Variants in CENPT observed in about 807,000 individuals in gnomAD.
CENPT encodes centromere protein T, also known as interphase centromere complex protein 22.
A neutral mutation model predicts 59.7 loss-of-function variants in CENPT; 42 were observed. That is an observed-to-expected ratio of 0.70 (90% CI 0.55 to 0.91). The LOEUF is 0.91. Ranked by LOEUF, CENPT falls within the 40% of genes least tolerant of loss-of-function variation. CENPT has a pLI of 0.00. For synonymous variants in CENPT, 295 were observed against 289.6 expected (o/e 1.02, Z -0.19); for missense variants, 716 against 713.4 (o/e 1.00, Z -0.04).
intron 4 of CENPT, among the ~76,000 whole-genome samples, chr16:67,833,544 G>A (rs1435584878): frequency 6.6e-6 from 1 of 152,204 alleles, no homozygotes; most frequent in Non-Finnish European, 1.5e-5. Flanking sequence ...TAGAGCAATG[G>A]AACCAGTTCT....
chr16:67,828,826 G>A lies in CENPT; in HGVS notation c.1298C>T (p.Ala433Val), dbSNP rs757492265. The change falls in exon 14 of 16, where the codon GCA becomes GTA. Residue 433 changes from alanine (A) to valine (V), a missense_variant. By Grantham distance (64) the Ala-to-Val change is moderately conservative. Transcript: ENST00000562787. ...GGGATGCCTGACCAACAGAGGCTCT[G>A]CAGGCTCTGAAGATAAGCTGAGGGC... ...PGAAVLSSEP[A>V]EPLLVRHPPR... The A allele has an allele frequency of 1.3e-6, 2 of 1,584,488 alleles. No homozygotes were observed. The highest frequency in any genetic ancestry group is 2.2e-5 in the East Asian group (1 of 44,790).
chr16:67,833,989 G>A lies in CENPT; in HGVS notation c.-130C>T. 1 of 599,960 alleles carries A rather than the reference G, an allele frequency of 1.7e-6. No individual in the cohort carries two copies. Among genetic ancestry groups the A allele is most frequent in the Non-Finnish European group, 2.7e-6 (1 of 374,444 alleles). 37.2% of individuals were successfully genotyped at this position (599,960 alleles called of 1,614,324 possible). The stretch of plus-strand genomic sequence containing the variant: ...GAATTGTAGTTCTCGCACTATCGCA[G>A]CTCGCGGGGTGGACAGTGATGGTTG... On this transcript the variant is annotated 5_prime_UTR_variant, in exon 4 of 16. Transcript: ENST00000562787.
rs773059781 is a variant in CENPT at position 67,828,798 on chromosome 16, A to G, written c.1326T>C (p.Pro442=). 3 of 1,600,310 alleles carry G rather than the reference A, an allele frequency of 1.9e-6. No homozygotes were observed. Among genetic ancestry groups the G allele is most frequent in the Admixed American group, 3.7e-5 (2 of 54,626 alleles). ...GCCTGGGGCCGGTGGTCCGGGGCCTAGGGGGATGCCTGACCAACAGAGGCT... is the reference window on the plus strand; with the variant it reads ...GCCTGGGGCCGGTGGTCCGGGGCCTGGGGGGATGCCTGACCAACAGAGGCT... ...PAEPLLVRHP[P]RPRTTGPRPR... Residue 442 remains proline, a synonymous_variant, in exon 14 of 16, where the codon CCT becomes CCC. Coordinates refer to ENST00000562787, the MANE Select transcript of CENPT (RefSeq NM_025082.4).
In CENPT at chr16:67,832,312, C is replaced by A; in HGVS notation, c.205G>T (p.Val69Phe). ...ARGRSHGARSVGRSAHIQASG... is the reference protein window; with the variant it reads ...ARGRSHGARSFGRSAHIQASG... ...GCCTGAATATGGGCCGATCTGCCAA[C>A]AGACTATCGGCAAAGCACCAAGCAA... Residue 69 changes from valine to phenylalanine, a missense_variant, in exon 6 of 16, where the codon GTT (valine) becomes TTT (phenylalanine). Coordinates refer to ENST00000562787, the MANE Select transcript of CENPT (RefSeq NM_025082.4). 3.1e-6 allele frequency: 5 copies of A among 1,614,176 alleles called. No homozygotes were observed. The highest frequency in any genetic ancestry group is 1.6e-4 in the Middle Eastern group (1 of 6,062).
chr16:67,833,587 C>T (rs1210770490), intron 4 of CENPT, among the ~76,000 whole-genome samples, 163 bp downstream of exon 4: 1 of 152,228 alleles, frequency 6.6e-6, no homozygotes, highest in African/African-American at 2.4e-5. Flanking sequence ...CTCTGAGACT[C>T]AGTTTTCCTC....
intron 1 of CENPT, among the ~76,000 whole-genome samples, chr16:67,845,371 C>T (rs1007041328): frequency 1.2e-4 from 19 of 152,186 alleles, no homozygotes; most frequent in Admixed American, 1.1e-3. Flanking sequence ...AGTCCCTTAG[C>T]ACTGAGTTGG....
intron 13 of CENPT, 70 bp downstream of exon 13, chr16:67,829,353 C>A: frequency 8.0e-7 from 1 of 1,244,810 alleles, no homozygotes; most frequent in Non-Finnish European, 1.1e-6. Flanking sequence ...GGGGGAGGAC[C>A]CTATGTACAC....
chr16:67,834,266 G>C (rs1297377773), intron 3 of CENPT, 166 bp from the exon 4 acceptor site: 1 of 168,258 alleles, frequency 5.9e-6, no homozygotes, highest in African/African-American at 2.4e-5. Flanking sequence ...GATGAGGAGA[G>C]ACACTTGGGC....
In CENPT at chr16:67,834,006, T is replaced by G; in HGVS notation, c.-147A>C. On this transcript the variant is annotated 5_prime_UTR_variant, in exon 4 of 16. Coordinates refer to ENST00000562787, the MANE Select transcript of CENPT (RefSeq NM_025082.4). ...CTATCGCAGCTCGCGGGGTGGACAG[T>G]GATGGTTGCAAACTCCGGATGCTTT... is the stretch of plus-strand genomic sequence containing the variant. 1 of 547,222 alleles carries G rather than the reference T, an allele frequency of 1.8e-6. No individual in the cohort carries two copies. Among genetic ancestry groups the G allele is most frequent in the South Asian group, 2.8e-5 (1 of 35,974 alleles). The allele number at this position is 547,222 out of a possible 1,614,324, so 33.9% of individuals were successfully genotyped here.
intron 3 of CENPT, among the ~76,000 whole-genome samples, chr16:67,834,492 G>C (rs917918544): frequency 6.6e-6 from 1 of 152,106 alleles, no homozygotes; most frequent in South Asian, 2.1e-4. Context: ...GGTGGTGCGC[G>C]CCTGTAGTCC....
At chr16:67,844,559 T>A (rs2057784909) in intron 1 of CENPT, among the ~76,000 whole-genome samples, 1 of 152,248 alleles carries the variant, frequency 6.6e-6, no homozygotes, top group South Asian at 2.1e-4. Context: ...CACCATGACA[T>A]CCCTTAGGCT....
chr16:67,843,067 A>T lies in CENPT; in HGVS notation c.-492+4334T>A. 1 of 1,611,834 alleles carries T rather than the reference A, an allele frequency of 6.2e-7. No individual in the cohort carries two copies. The highest frequency in any genetic ancestry group is 8.5e-7 in the Non-Finnish European group (1 of 1,180,010). ...CTGTAGACAGCAGTCAGGCTCCGGG[A>T]TCCGTACAGCCGGCGCCCATCACTC... is the stretch of plus-strand genomic sequence containing the variant. On this transcript the variant is annotated intron_variant, in intron 1 of 15. Coordinates refer to ENST00000562787, the MANE Select transcript of CENPT (RefSeq NM_025082.4). This position sits in a 1 kb window ranked among gnomAD's most constrained non-coding sequence, Gnocchi z 5.7.
At position 67,843,146 on chromosome 16, in the gene CENPT, G is replaced by T. The variant is rs2057776913; in HGVS notation, c.-492+4255C>A. 1 of 1,609,476 alleles carries T rather than the reference G, an allele frequency of 6.2e-7. No individual in the cohort carries two copies. On this transcript the variant is annotated intron_variant, in intron 1 of 15. Transcript: ENST00000562787. The surrounding 1 kb of genome is among the most constrained non-coding windows in gnomAD (Gnocchi z 5.7). ...TCTCACAGTGCAAGTGGAGTTTGCAGCCGCAGAGGGCGCAGCCGCTGCGGC... is the reference window on the plus strand; with the variant it reads ...TCTCACAGTGCAAGTGGAGTTTGCATCCGCAGAGGGCGCAGCCGCTGCGGC...
intron 1 of CENPT, among the ~76,000 whole-genome samples, chr16:67,836,994 G>C (rs998843721): frequency 1.3e-5 from 2 of 152,034 alleles, no homozygotes; most frequent in Admixed American, 1.3e-4. Flanking sequence ...GCCCGCCTCG[G>C]CCTCCCAAAG....
chr16:67,842,920 A>AACAG lies in CENPT; in HGVS notation c.-492+4480_-492+4481insCTGT. On this transcript the variant is annotated intron_variant, in intron 1 of 15. Coordinates refer to ENST00000562787, the MANE Select transcript of CENPT (RefSeq NM_025082.4). The surrounding 1 kb of genome is among the most constrained non-coding windows in gnomAD (Gnocchi z 4.9). The stretch of plus-strand genomic sequence containing the variant: ...AGCAGCAACAGCAGCAGCAGCAGCA[A>AACAG]CAGCAGCAGCAGCAGCAGCAGCAGC... 6.3e-7 allele frequency: 1 copy of AACAG among 1,579,584 alleles called. No homozygotes were observed.
chr16:67,829,366 C>T (rs1467562153), intron 13 of CENPT, 57 bp downstream of exon 13: 5 of 1,383,090 alleles, frequency 3.6e-6, no homozygotes, highest in Middle Eastern at 1.8e-4. Context: ...ATGTACACAG[C>T]ATACCCAATG....
At position 67,828,356 on chromosome 16, in the gene CENPT, C is replaced by A. The variant is rs751597104; in HGVS notation, c.1597G>T (p.Val533Leu). 6.2e-7 allele frequency: 1 copy of A among 1,610,020 alleles called. No homozygotes were observed. Among genetic ancestry groups the A allele is most frequent in the Non-Finnish European group, 8.5e-7 (1 of 1,176,970 alleles). Residue 533 changes from valine to leucine, a missense_variant, in exon 16 of 16, where the codon GTG becomes TTG. Coordinates refer to ENST00000562787, the MANE Select transcript of CENPT (RefSeq NM_025082.4). ...GLVTDQVSLHVLVERHLPLEY... is the reference protein window; with the variant it reads ...GLVTDQVSLHLLVERHLPLEY... ...AGGGGCAGGTGCCGCTCCACTAGCA[C>A]GTGCAGTGAGACTTGGTCAGTGACC...
intron 1 of CENPT, among the ~76,000 whole-genome samples, chr16:67,838,445 A>C (rs937812039): frequency 6.6e-6 from 1 of 151,144 alleles, no homozygotes; most frequent in Non-Finnish European, 1.5e-5. Context: ...AACGTGGTGA[A>C]ACCTCATCTT....
At chr16:67,837,729 CAAT>C (rs947653426) in intron 1 of CENPT, among the ~76,000 whole-genome samples, 2 of 152,082 alleles carry the variant, frequency 1.3e-5, no homozygotes, top group African/African-American at 4.8e-5. Flanking sequence ...AACAAACAAA[CAAT>C]GAGCTTCATT....
Sources: gnomAD v4.1 joint callset for allele counts (sites outside exome capture counted in the v4.1 genomes callset) on GRCh38, gnomAD v4.1.1 for gene constraint, Gnocchi (gnomAD v3.1) non-coding constraint, MANE v1.5 for transcripts, NCBI Gene and HGNC (gene_info 2026-07-23, HGNC 2026-07-21) for gene names.